DHX34: variants seen among roughly 807,000 people sequenced by gnomAD.
DHX34 encodes DExH-box helicase 34.
A neutral mutation model predicts 111.1 loss-of-function variants in DHX34; 96 were observed. The observed-to-expected ratio is 0.86, with a 90% CI of 0.73 to 1.02. DHX34 has a LOEUF of 1.02. DHX34 is among the 50% of genes least tolerant of loss of function. The pLI, the probability that DHX34 is intolerant of heterozygous loss-of-function variation, is 0.00. For missense variants in DHX34, 1,560 were observed against 1,579.9 expected, an observed-to-expected ratio of 0.99 and a Z score of 0.21; for synonymous variants, 688 against 670.4, an observed-to-expected ratio of 1.03 and a Z score of -0.41.
At chr19:47,357,210 T>G (rs1969483689) in intron 3 of DHX34, among the ~76,000 whole-genome samples, 1 of 152,254 alleles carries the variant, frequency 6.6e-6, no homozygotes, top group African/African-American at 2.4e-5. Flanking sequence ...TAATCCTGGT[T>G]TCATCACCTA....
chr19:47,381,522 T>C (rs1171417613), intron 16 of DHX34, 198 bp downstream of exon 16: 3 of 726,992 alleles, frequency 4.1e-6, no homozygotes, highest in Non-Finnish European at 6.6e-6. Context: ...GCGCCACCTC[T>C]TTCTGTCTGC....
At chr19:47,362,822 G>C (rs1484455650) in intron 6 of DHX34, 129 bp downstream of exon 6, 1 of 892,558 alleles carries the variant, frequency 1.1e-6, no homozygotes, top group Non-Finnish European at 1.6e-6. Flanking sequence ...TCAGGCTAGA[G>C]TGCAGTGCTG....
chr19:47,361,752 A>G (rs576721870), intron 5 of DHX34, among the ~76,000 whole-genome samples: 3 of 152,310 alleles, frequency 2.0e-5, no homozygotes, highest in Admixed American at 6.5e-5. Context: ...AGCCTGGGCA[A>G]TAAGAGTGAA....
At chr19:47,371,256 AGGTG>A (rs1969957731) in intron 7 of DHX34, among the ~76,000 whole-genome samples, 1 of 152,210 alleles carries the variant, frequency 6.6e-6, no homozygotes, top group Non-Finnish European at 1.5e-5. Flanking sequence ...GGCTGGGGGC[AGGTG>A]CCCCCACTTG....
chr19:47,354,451 T>C (rs1969389333), intron 2 of DHX34, among the ~76,000 whole-genome samples: 1 of 152,184 alleles, frequency 6.6e-6, no homozygotes, highest in African/African-American at 2.4e-5. Context: ...GTTAATATTA[T>C]ATATACATGA....
Position 47,380,952 on chromosome 19 carries a change from GC to G in DHX34, c.3120del (p.Tyr1041ThrfsTer116), listed in dbSNP as rs1970335962. 1 of 1,600,376 alleles carries G rather than the reference GC, an allele frequency of 6.2e-7. No homozygotes were observed. Among genetic ancestry groups the G allele is most frequent in the Non-Finnish European group, 8.5e-7 (1 of 1,174,076 alleles). ...STLSPHPTKG[G>X]YAVTDFLTYN... ...CTGTCCCCCCACCCCACAAAGGGGGGCTACGCAGTCACTGACTTCCTCACCT... is the reference window on the plus strand; with the variant it reads ...CTGTCCCCCCACCCCACAAAGGGGGGTACGCAGTCACTGACTTCCTCACCT... On this transcript the variant is annotated frameshift_variant, in exon 15 of 17. Coordinates refer to ENST00000328771, the MANE Select transcript of DHX34 (RefSeq NM_014681.6). LOFTEE classifies it high-confidence loss of function.
Position 47,379,705 on chromosome 19 carries a change from T to C in DHX34, c.2707-5T>C, listed in dbSNP as rs1253746567. ...ACTCCCTGTCTTCTGCCCCCTCTCT[T>C]TCAGTCCCTCCTGCTTTTTAGCCGG... On this transcript the variant is annotated splice_polypyrimidine_tract_variant and splice_region_variant and intron_variant, in intron 13 of 16. Coordinates refer to ENST00000328771, the MANE Select transcript of DHX34 (RefSeq NM_014681.6). The C allele has an allele frequency of 6.3e-7, 1 of 1,590,598 alleles. No homozygotes were observed. The highest frequency in any genetic ancestry group is 8.6e-7 in the Non-Finnish European group (1 of 1,161,646).
chr19:47,359,611 G>A (rs1041960451), intron 4 of DHX34, among the ~76,000 whole-genome samples: 17 of 152,064 alleles, frequency 1.1e-4, no homozygotes, highest in African/African-American at 3.9e-4. Flanking sequence ...GTGAGACCCC[G>A]TCTCTACTTA....
At chr19:47,366,779 G>A in intron 6 of DHX34, 1 of 885,788 alleles carries the variant, frequency 1.1e-6, no homozygotes. Flanking sequence ...TCACCATGTT[G>A]GCCAGGATGG....
intron 6 of DHX34, among the ~76,000 whole-genome samples, chr19:47,363,760 G>C (rs1235801173): frequency 6.7e-6 from 1 of 150,070 alleles, no homozygotes; most frequent in Non-Finnish European, 1.5e-5. Flanking sequence ...GGAGGTTGCG[G>C]TGAGCCGAGA....
intron 3 of DHX34, among the ~76,000 whole-genome samples, chr19:47,355,816 C>A (rs926946268): frequency 6.6e-6 from 1 of 151,556 alleles, no homozygotes; most frequent in Non-Finnish European, 1.5e-5. Context: ...CGCGCCACTG[C>A]ACTCCAGCCT....
chr19:47,356,219 A>G (rs1418657690), intron 3 of DHX34, among the ~76,000 whole-genome samples: 1 of 152,126 alleles, frequency 6.6e-6, no homozygotes, highest in Non-Finnish European at 1.5e-5. Context: ...TAATTGAGAA[A>G]CACTGTCCTA....
chr19:47,369,407 G>C (rs566338845), intron 7 of DHX34, among the ~76,000 whole-genome samples: 1 of 152,186 alleles, frequency 6.6e-6, no homozygotes, highest in Non-Finnish European at 1.5e-5. Context: ...CTTTCAAACT[G>C]CTGGGATTAC....
rs1969374493 is a variant in DHX34 at position 47,353,975 on chromosome 19, T to G, written c.705+240T>G. Among the ~76,000 whole-genome samples, 1 of 152,194 alleles carries G rather than the reference T, an allele frequency of 6.6e-6. No individual in the cohort carries two copies. The highest frequency in any genetic ancestry group is 2.1e-4 in the South Asian group (1 of 4,826). ...AAATGTCCTAAAGGCTCATCACTTT[T>G]TTTTTGAGACGGAGTCTCACTCTGT... On this transcript the variant is annotated intron_variant, in intron 2 of 16. Transcript: ENST00000328771. The surrounding 1 kb of genome is among the most constrained non-coding windows in gnomAD (Gnocchi z 4.6).
intron 13 of DHX34, among the ~76,000 whole-genome samples, chr19:47,378,357 C>G (rs1165329319): frequency 6.6e-6 from 1 of 152,180 alleles, no homozygotes; most frequent in Non-Finnish European, 1.5e-5. Flanking sequence ...AACTCCCCAC[C>G]CTCATGGGGC....
chr19:47,360,071 G>A lies in DHX34; in HGVS notation c.1375+1G>A. The A allele has an allele frequency of 6.2e-7, 1 of 1,613,932 alleles. No individual in the cohort carries two copies. Among genetic ancestry groups the A allele is most frequent in the Non-Finnish European group, 8.5e-7 (1 of 1,179,914 alleles). On this transcript the variant is annotated splice_donor_variant, in intron 5 of 16. Coordinates refer to ENST00000328771, the MANE Select transcript of DHX34 (RefSeq NM_014681.6). LOFTEE classifies it high-confidence loss of function. ...GGGATCCGCTTCGTAGTAGATTCCG[G>A]TAAGGACCACCATGAGCCCCTACCC...
intron 6 of DHX34, among the ~76,000 whole-genome samples, chr19:47,365,540 C>T (rs1969764481): frequency 6.6e-6 from 1 of 152,174 alleles, no homozygotes; most frequent in Non-Finnish European, 1.5e-5. Flanking sequence ...GCATGAGCCA[C>T]CGCGCCCGGC....
Position 47,357,933 on chromosome 19 carries a change from T to C in DHX34, c.1085T>C (p.Phe362Ser), listed in dbSNP as rs776698450. 2.5e-5 allele frequency: 40 copies of C among 1,614,006 alleles called. No individual in the cohort carries two copies. Among genetic ancestry groups the C allele is most frequent in the Non-Finnish European group, 3.1e-5 (36 of 1,180,042 alleles). Residue 362 changes from phenylalanine (F) to serine (S), a missense_variant, in exon 4 of 17, where the codon TTC becomes TCC. Physicochemically the swap from Phe to Ser is radical, Grantham distance 155 (BLOSUM62 -2). Coordinates refer to ENST00000328771, the MANE Select transcript of DHX34 (RefSeq NM_014681.6). The part of the protein sequence containing the change: ...SKSEKLDPRP[F>S]LRVLESIDHK... ...TCAGAGAAGCTGGACCCGCGGCCTTTCCTGAGGGTGCTGGAGTCCATTGAC... is the reference window on the plus strand; with the variant it reads ...TCAGAGAAGCTGGACCCGCGGCCTTCCCTGAGGGTGCTGGAGTCCATTGAC...
rs1969428210 is a variant in DHX34, at chr19:47,355,375, A to G, written c.1017+25A>G. 4 of 1,601,576 alleles carry G rather than the reference A, an allele frequency of 2.5e-6. No homozygotes were observed. The East Asian group carries it at 6.7e-5, about 27-fold the overall frequency. On this transcript the variant is annotated intron_variant, in intron 3 of 16. Coordinates refer to ENST00000328771, the MANE Select transcript of DHX34 (RefSeq NM_014681.6). ...GGTGAGTACTTCCCCCTCCTCCCACATCCCCAGACCTCCAACCTGGTCTCT... is the reference window on the plus strand; with the variant it reads ...GGTGAGTACTTCCCCCTCCTCCCACGTCCCCAGACCTCCAACCTGGTCTCT...
Sources: gnomAD v4.1 joint callset for allele counts (sites outside exome capture counted in the v4.1 genomes callset) on GRCh38, gnomAD v4.1.1 for gene constraint, Gnocchi (gnomAD v3.1) non-coding constraint, MANE v1.5 for transcripts, NCBI Gene and HGNC (gene_info 2026-07-23, HGNC 2026-07-21) for gene names.